Variants in KLHL18 observed in about 807,000 individuals in gnomAD.
KLHL18 encodes the protein kelch like family member 18, also known as kelch-like protein 18.
In KLHL18, 38 loss-of-function variants were observed where a neutral mutation model predicts 58.5. The ratio of observed to expected loss-of-function variants is 0.65; its 90% CI spans 0.50 to 0.85. The LOEUF is 0.85. Ranked by LOEUF, KLHL18 falls within the 40% of genes least tolerant of loss-of-function variation. The probability of loss-of-function intolerance (pLI) is 0.00; values close to 1 mark genes in which losing one functional copy is unlikely to be tolerated. For synonymous variants in KLHL18, 303 were observed against 301.9 expected (o/e 1.00, Z -0.04); for missense variants, 624 against 778.4 (o/e 0.80, Z 2.36).
chr3:47,327,541 A>G (rs1387181751), intron 3 of KLHL18, among the ~76,000 whole-genome samples: 1 of 152,266 alleles, frequency 6.6e-6, no homozygotes, highest in Non-Finnish European at 1.5e-5. Flanking sequence ...AAAGTGCTTT[A>G]ACAAGTCTCA....
At chr3:47,298,183 C>T (rs1702935640) in intron 1 of KLHL18, among the ~76,000 whole-genome samples, 1 of 151,802 alleles carries the variant, frequency 6.6e-6, no homozygotes, top group South Asian at 2.1e-4. Context: ...AGTTCAAGAC[C>T]AGCCTGGACA....
rs2107669918 is a variant in KLHL18, at chr3:47,344,014, A to G, written c.*73A>G. 1.3e-6 allele frequency: 2 copies of G among 1,558,210 alleles called. No individual in the cohort carries two copies. The highest frequency in any genetic ancestry group is 1.2e-5 in the South Asian group (1 of 86,732). On this transcript the variant is annotated 3_prime_UTR_variant, in exon 10 of 10. Transcript: ENST00000232766. ...CGCTTCCTTCCAGGAACAGTCCCTCAGGAGAGGCAGTGGACCAGAAGAGAT... is the reference window on the plus strand; with the variant it reads ...CGCTTCCTTCCAGGAACAGTCCCTCGGGAGAGGCAGTGGACCAGAAGAGAT...
intron 4 of KLHL18, among the ~76,000 whole-genome samples, chr3:47,332,810 A>G (rs1191642425): frequency 6.6e-6 from 1 of 151,962 alleles, no homozygotes; most frequent in African/African-American, 2.4e-5. Flanking sequence ...AAACAGGAGA[A>G]CCAGCCCAGC....
intron 4 of KLHL18, among the ~76,000 whole-genome samples, 191 bp downstream of exon 4, chr3:47,330,340 A>C (rs1469024866): frequency 6.6e-6 from 1 of 152,040 alleles, no homozygotes; most frequent in Non-Finnish European, 1.5e-5. Flanking sequence ...TTTTTTTGAG[A>C]TAATATCTTG....
In KLHL18 at chr3:47,343,734, G is replaced by A. The variant is rs535735537; in HGVS notation, c.1518G>A (p.Leu506=). The A allele has an allele frequency of 6.2e-7, 1 of 1,614,210 alleles. No homozygotes were observed. The highest frequency in any genetic ancestry group is 8.5e-7 in the Non-Finnish European group (1 of 1,180,046). ...MYSSVADQWC[L]IVPMHTRRSR... The stretch of plus-strand genomic sequence containing the variant: ...GCTCTGTGGCAGACCAGTGGTGCCT[G>A]ATTGTCCCCATGCACACGCGCAGGA... The change falls in exon 10 of 10, where the codon CTG becomes CTA. Residue 506 remains leucine (L), a synonymous_variant. Transcript: ENST00000232766.
chr3:47,301,771 A>G (rs978026295), intron 1 of KLHL18, among the ~76,000 whole-genome samples: 7 of 152,216 alleles, frequency 4.6e-5, no homozygotes, highest in African/African-American at 1.7e-4. Context: ...TAACATAAAC[A>G]GTCAATTAAC....
intron 1 of KLHL18, among the ~76,000 whole-genome samples, chr3:47,302,050 C>T (rs1489478578): frequency 1.3e-5 from 2 of 152,172 alleles, no homozygotes; most frequent in Admixed American, 6.5e-5. Context: ...AATCCTTCTG[C>T]CTAGCCCCCT....
At chr3:47,342,877 G>C in intron 9 of KLHL18, 47 bp downstream of exon 9, 1 of 1,377,298 alleles carries the variant, frequency 7.3e-7, no homozygotes, top group Non-Finnish European at 1.0e-6. Context: ...TTCTGTCTTT[G>C]AGATTTATTT....
chr3:47,342,491 G>A (rs1704130795), intron 8 of KLHL18, among the ~76,000 whole-genome samples: 2 of 152,196 alleles, frequency 1.3e-5, no homozygotes. Flanking sequence ...GGTCTTGTAT[G>A]AGACAATGAT....
At chr3:47,297,359 G>A (rs913318969) in intron 1 of KLHL18, among the ~76,000 whole-genome samples, 10 of 152,166 alleles carry the variant, frequency 6.6e-5, no homozygotes, top group Non-Finnish European at 1.3e-4. Context: ...ATTCTAGGCT[G>A]GCAGTCAGGC....
At chr3:47,287,929 T>C (rs1270581432) in intron 1 of KLHL18, among the ~76,000 whole-genome samples, 2 of 152,168 alleles carry the variant, frequency 1.3e-5, no homozygotes, top group Admixed American at 1.3e-4. Flanking sequence ...TTCATTGCCT[T>C]AAATGACTTT....
chr3:47,312,035 T>C (rs1703313677), intron 1 of KLHL18, among the ~76,000 whole-genome samples: 1 of 152,246 alleles, frequency 6.6e-6, no homozygotes, highest in South Asian at 2.1e-4. Flanking sequence ...TTTGAATTGA[T>C]CTTTTTTTCT....
At chr3:47,297,902 A>G (rs934720293) in intron 1 of KLHL18, among the ~76,000 whole-genome samples, 2 of 152,182 alleles carry the variant, frequency 1.3e-5, no homozygotes, top group Admixed American at 6.5e-5. Flanking sequence ...TGCCACAGAA[A>G]GGAGAGAGCT....
chr3:47,326,188 T>G (rs1243536165), intron 3 of KLHL18, among the ~76,000 whole-genome samples: 6 of 152,166 alleles, frequency 3.9e-5, no homozygotes, highest in Non-Finnish European at 5.9e-5. Context: ...CCTCAAGTGA[T>G]CTGCCCACCT....
chr3:47,328,429 T>C (rs1703775447), intron 3 of KLHL18, among the ~76,000 whole-genome samples: 1 of 152,174 alleles, frequency 6.6e-6, no homozygotes, highest in African/African-American at 2.4e-5. Flanking sequence ...AGGTACCATG[T>C]ATCATGGCTC....
intron 1 of KLHL18, among the ~76,000 whole-genome samples, chr3:47,308,222 T>C (rs1047069778): frequency 6.6e-6 from 1 of 152,138 alleles, no homozygotes; most frequent in African/African-American, 2.4e-5. Context: ...TGTTCTTTTT[T>C]TTTTTTCCTG....
chr3:47,319,454 T>C (rs927906989), intron 1 of KLHL18, among the ~76,000 whole-genome samples, 199 bp from the exon 2 acceptor site: 2 of 152,212 alleles, frequency 1.3e-5, no homozygotes, highest in Non-Finnish European at 2.9e-5. Context: ...CTACTGTAAC[T>C]GAGTATATTG....
At chr3:47,286,773 G>T (rs1164443385) in intron 1 of KLHL18, among the ~76,000 whole-genome samples, 1 of 152,220 alleles carries the variant, frequency 6.6e-6, no homozygotes, top group Non-Finnish European at 1.5e-5. Context: ...TTCCTAGGTG[G>T]TATAAGCCTG....
intron 1 of KLHL18, among the ~76,000 whole-genome samples, chr3:47,298,104 G>T (rs771941756): frequency 4.6e-5 from 7 of 152,082 alleles, no homozygotes; most frequent in Non-Finnish European, 8.8e-5. Context: ...TGGGGGCCAG[G>T]TGCAGCGGCT....
Sources: allele counts gnomAD v4.1 joint callset (sites outside exome capture counted in the v4.1 genomes callset), GRCh38; gene constraint gnomAD v4.1.1; transcripts MANE v1.5; gene names NCBI Gene and HGNC (gene_info 2026-07-23, HGNC 2026-07-21).